ECM1: variants seen among roughly 807,000 people sequenced by gnomAD.
ECM1 encodes extracellular matrix protein 1.
A neutral mutation model predicts 57.9 loss-of-function variants in ECM1; 54 were observed. The ratio of observed to expected loss-of-function variants is 0.93; its 90% CI spans 0.75 to 1.17. The LOEUF (loss-of-function observed/expected upper bound fraction) is 1.17. Ranked by LOEUF, ECM1 falls within the 50% of genes most tolerant of loss-of-function variation. The probability of loss-of-function intolerance (pLI) is 0.00; values close to 1 mark genes in which losing one functional copy is unlikely to be tolerated. For missense variants in ECM1, 649 were observed against 688.1 expected (o/e 0.94, Z 0.64); for synonymous variants, 237 against 259.1 (o/e 0.91, Z 0.82).
chr1:150,511,074 T>C lies in ECM1; in HGVS notation c.584T>C (p.Leu195Pro). 6.2e-7 allele frequency: 1 copy of C among 1,614,206 alleles called. No individual in the cohort carries two copies. Among genetic ancestry groups the C allele is most frequent in the Non-Finnish European group, 8.5e-7 (1 of 1,180,028 alleles). The change falls in exon 6 of 10, where the codon CTA (leucine) becomes CCA (proline). Residue 195 changes from leucine (L) to proline (P), a missense_variant. Coordinates refer to ENST00000369047, the MANE Select transcript of ECM1 (RefSeq NM_004425.4). ...CATGTGGTATATGGTCCCTGGAACC[T>C]ACCACAGTCCAGCTACTCCCACCTC... ...RQHVVYGPWN[L>P]PQSSYSHLTR...
In ECM1 at chr1:150,511,832, G is replaced by GT. The variant is rs745418820; in HGVS notation, c.1083+2dup. 1 of 1,597,944 alleles carries GT rather than the reference G, an allele frequency of 6.3e-7. No homozygotes were observed. The highest frequency in any genetic ancestry group is 1.1e-5 in the South Asian group (1 of 89,144). On this transcript the variant is annotated splice_donor_variant, in intron 7 of 9. Coordinates refer to ENST00000369047, the MANE Select transcript of ECM1 (RefSeq NM_004425.4). LOFTEE classifies it high-confidence loss of function. ...CAATCACACCTGTACATGGAAGGCC[G>GT]TAAGTGGGCGTCCCAGCCTCCCTGA...
intron 5 of ECM1, 27 bp from the exon 6 acceptor site, chr1:150,510,849 C>G (rs777210669): frequency 3.1e-6 from 5 of 1,612,144 alleles, no homozygotes; most frequent in Non-Finnish European, 4.2e-6. Context: ...CACATGTCCC[C>G]GCTTCCCACT....
chr1:150,511,641 C>G lies in ECM1; in HGVS notation c.893C>G (p.Pro298Arg), dbSNP rs760051136. The G allele has an allele frequency of 2.5e-6, 4 of 1,614,166 alleles. No homozygotes were observed. The highest frequency in any genetic ancestry group is 3.4e-6 in the Non-Finnish European group (4 of 1,180,020). Residue 298 changes from proline (P) to arginine (R), a missense_variant, in exon 7 of 10, where the codon CCT (proline) becomes CGT (arginine). Physicochemically the swap from Pro to Arg is moderately radical, Grantham distance 103. Coordinates refer to ENST00000369047, the MANE Select transcript of ECM1 (RefSeq NM_004425.4). ...GATATTTCCTCGGGTCTTGAGCTGCCTTTCCCTCCTGGGGTGCCCACATTG... is the reference window on the plus strand; with the variant it reads ...GATATTTCCTCGGGTCTTGAGCTGCGTTTCCCTCCTGGGGTGCCCACATTG... ...QPDISSGLEL[P>R]FPPGVPTLDN...
chr1:150,511,223 G>A, intron 6 of ECM1, 25 bp downstream of exon 6: 1 of 1,613,592 alleles, frequency 6.2e-7, no homozygotes, highest in Non-Finnish European at 8.5e-7. Flanking sequence ...TTGATGCCGG[G>A]GGGTGTCCTT....
At chr1:150,512,851 G>A in intron 9 of ECM1, 39 bp downstream of exon 9, 4 of 1,603,722 alleles carry the variant, frequency 2.5e-6, no homozygotes, top group Non-Finnish European at 3.4e-6. Flanking sequence ...GAATGCAGGG[G>A]AGGGGAGGGA....
chr1:150,512,329 AC>A, intron 7 of ECM1, 22 bp from the exon 8 acceptor site: 3 of 1,610,612 alleles, frequency 1.9e-6, no homozygotes, highest in Non-Finnish European at 2.5e-6. Context: ...CCAGCTTCTG[AC>A]TTCCCTCTCT....
At position 150,511,475 on chromosome 1, in the gene ECM1, C is replaced by A. The variant is rs746217361; in HGVS notation, c.727C>A (p.Arg243=). The change falls in exon 7 of 10, where the codon CGA becomes AGA. Residue 243 remains arginine, a synonymous_variant. Transcript: ENST00000369047. The part of the protein sequence containing the change: ...AKLVWEEAMS[R]FCEAEFSVKT... Reference sequence around the variant, plus strand: ...GCTCTAGTGGGAGGAAGCAATGAGCCGATTCTGTGAGGCCGAGTTCTCGGT... The same window carrying A: ...GCTCTAGTGGGAGGAAGCAATGAGCAGATTCTGTGAGGCCGAGTTCTCGGT... The A allele has an allele frequency of 3.9e-5, 63 of 1,613,970 alleles. No homozygotes were observed. Among genetic ancestry groups the A allele is most frequent in the Non-Finnish European group, 4.4e-5 (52 of 1,179,990 alleles).
Position 150,509,739 on chromosome 1 carries a change from C to T in ECM1, c.200C>T (p.Pro67Leu), listed in dbSNP as rs745426792. Residue 67 changes from proline to leucine, a missense_variant, in exon 3 of 10, where the codon CCT becomes CTT. Transcript: ENST00000369047. ...CACCCTGACTCCTCTCAGCATGGCC[C>T]TCCCTTTGAGGGACAGAGTCAAGGT... The part of the protein sequence containing the change: ...MDHPDSSQHG[P>L]PFEGQSQVQP... 1.1e-5 allele frequency: 17 copies of T among 1,613,890 alleles called. No individual in the cohort carries two copies. Among genetic ancestry groups the T allele is most frequent in the Non-Finnish European group, 1.4e-5 (16 of 1,179,984 alleles).
chr1:150,511,052 G>A lies in ECM1; in HGVS notation c.562G>A (p.Val188Met). ...AATCTGCCTTCCTAACCGTCAGCAT[G>A]TGGTATATGGTCCCTGGAACCTACC... is the stretch of plus-strand genomic sequence containing the variant. ...NQICLPNRQH[V>M]VYGPWNLPQS... The change falls in exon 6 of 10, where the codon GTG (valine) becomes ATG (methionine). Residue 188 changes from valine to methionine, a missense_variant. Val to Met is a conservative substitution (Grantham distance 21). Transcript: ENST00000369047. 1.2e-6 allele frequency: 2 copies of A among 1,614,214 alleles called. No homozygotes were observed. The highest frequency in any genetic ancestry group is 1.7e-6 in the Non-Finnish European group (2 of 1,180,036).
At chr1:150,510,253 A>G in intron 5 of ECM1, 71 bp downstream of exon 5, 1 of 1,440,146 alleles carries the variant, frequency 6.9e-7, no homozygotes, top group South Asian at 1.1e-5. Flanking sequence ...GCTTCGGGGC[A>G]GACAAGACGG....
chr1:150,513,178 C>T (rs1570887562), intron 9 of ECM1, 59 bp from the exon 10 acceptor site: 2 of 1,553,642 alleles, frequency 1.3e-6, no homozygotes, highest in East Asian at 2.2e-5. Context: ...CAAGTATCTA[C>T]ATCTGTCCTT....
At position 150,510,222 on chromosome 1, in the gene ECM1, T is replaced by C. The variant is rs746120211; in HGVS notation, c.385+40T>C. 8 of 1,586,802 alleles carry C rather than the reference T, an allele frequency of 5.0e-6. No individual in the cohort carries two copies. The African/African-American group carries it at 8.1e-5, about 16-fold the overall frequency. ...CTCTTCTTTACCCACCTTTACCTCA[T>C]GGCCTTCCCCCAGAGCATGGGCTTC... On this transcript the variant is annotated intron_variant, in intron 5 of 9. Coordinates refer to ENST00000369047, the MANE Select transcript of ECM1 (RefSeq NM_004425.4).
chr1:150,510,542 T>G, intron 5 of ECM1: 1 of 546,560 alleles, frequency 1.8e-6, no homozygotes, highest in South Asian at 2.1e-5. Context: ...GAGGAGATAA[T>G]CATCCATTCC....
chr1:150,509,938 T>C lies in ECM1; in HGVS notation c.240T>C (p.Ser80=). 1 of 1,613,970 alleles carries C rather than the reference T, an allele frequency of 6.2e-7. No homozygotes were observed. The highest frequency in any genetic ancestry group is 8.5e-7 in the Non-Finnish European group (1 of 1,179,952). ...EGQSQVQPPP[S]QEATPLQQEK... ...CTTCTATAGTGCAGCCCCCTCCCTCTCAGGAGGCCACCCCTCTCCAACAGG... is the reference window on the plus strand; with the variant it reads ...CTTCTATAGTGCAGCCCCCTCCCTCCCAGGAGGCCACCCCTCTCCAACAGG... Residue 80 remains serine (S), a synonymous_variant, in exon 4 of 10, where the codon TCT becomes TCC. Transcript: ENST00000369047.
At chr1:150,508,667 C>T (rs1053370070) in intron 1 of ECM1, among the ~76,000 whole-genome samples, 1 of 152,158 alleles carries the variant, frequency 6.6e-6, no homozygotes, top group Non-Finnish European at 1.5e-5. Context: ...CCTCGACTGA[C>T]TCCCTGTCTG....
chr1:150,513,474 C>T lies in ECM1; in HGVS notation c.*7C>T, dbSNP rs984164615. The T allele has an allele frequency of 3.7e-6, 6 of 1,611,486 alleles. No individual in the cohort carries two copies. The highest frequency in any genetic ancestry group is 5.1e-6 in the Non-Finnish European group (6 of 1,179,546). On this transcript the variant is annotated 3_prime_UTR_variant, in exon 10 of 10. Coordinates refer to ENST00000369047, the MANE Select transcript of ECM1 (RefSeq NM_004425.4). ...TGAGCCCAAGGAAGAATGAGTCACC[C>T]CAGAGCCCTAGAGGGTCAGATGGGG...
rs78194273 is a variant in ECM1 at position 150,511,540 on chromosome 1, G to A, written c.792G>A (p.Glu264=). The change falls in exon 7 of 10, where the codon GAG becomes GAA. Residue 264 remains glutamate, a synonymous_variant. Coordinates refer to ENST00000369047, the MANE Select transcript of ECM1 (RefSeq NM_004425.4). ...RPHWCCTRQG[E]ARFSCFQEEA... The stretch of plus-strand genomic sequence containing the variant: ...ACTGGTGCTGCACGCGGCAGGGGGA[G>A]GCTCGGTTCTCCTGCTTCCAGGAGG... 2.6e-3 allele frequency: 4,137 copies of A among 1,614,182 alleles called. 95 individuals carry two copies. The African/African-American group carries it at 0.048, about 19-fold the overall frequency.
At position 150,510,008 on chromosome 1, in the gene ECM1, C is replaced by A; in HGVS notation, c.304+6C>A. ...ACTCCCTGCTGAAAAGGAAGGTGAG[C>A]GCTTGCCCACCCTCCCTCACCTCTA... On this transcript the variant is annotated splice_donor_region_variant and intron_variant, in intron 4 of 9. Transcript: ENST00000369047. The A allele has an allele frequency of 1.9e-6, 3 of 1,614,120 alleles. No homozygotes were observed. The highest frequency in any genetic ancestry group is 2.5e-6 in the Non-Finnish European group (3 of 1,180,006).
chr1:150,512,736 C>T lies in ECM1; in HGVS notation c.1316C>T (p.Pro439Leu). 6.2e-7 allele frequency: 1 copy of T among 1,614,094 alleles called. No individual in the cohort carries two copies. The highest frequency in any genetic ancestry group is 8.5e-7 in the Non-Finnish European group (1 of 1,180,016). ...TCACACCAACATAGTAAACATATTC[C>T]TGGGCTGATCCACAACATGACTGCC... ...QRVLTKHKHI[P>L]GLIHNMTARC... The change falls in exon 9 of 10, where the codon CCT (proline) becomes CTT (leucine). Residue 439 changes from proline (P) to leucine (L), a missense_variant. Pro to Leu is a moderately conservative substitution (Grantham distance 98). Coordinates refer to ENST00000369047, the MANE Select transcript of ECM1 (RefSeq NM_004425.4).
Sources: allele counts gnomAD v4.1 joint callset (sites outside exome capture counted in the v4.1 genomes callset), GRCh38; gene constraint gnomAD v4.1.1; transcripts MANE v1.5; gene names NCBI Gene and HGNC (gene_info 2026-07-23, HGNC 2026-07-21).